The following ATAD5 variants were observed in gnomAD, a reference collection of about 807,000 sequenced individuals.
ATAD5 encodes ATPase family AAA domain containing 5.
A neutral mutation model predicts 176.9 loss-of-function variants in ATAD5; 58 were observed. That is an observed-to-expected ratio of 0.33 (90% confidence interval 0.27 to 0.41). ATAD5 has a LOEUF of 0.41. Ranked by LOEUF, ATAD5 falls within the 10% of genes least tolerant of loss-of-function variation. The pLI, the probability that ATAD5 is intolerant of heterozygous loss-of-function variation, is 1.00. For synonymous variants in ATAD5, 640 were observed against 712.6 expected (o/e 0.90, Z 1.62); for missense variants, 1,789 against 2,094.1 (o/e 0.85, Z 2.84).
intron 18 of ATAD5, among the ~76,000 whole-genome samples, chr17:30,885,940 A>T (rs1909301077): frequency 1.3e-5 from 2 of 152,008 alleles, no homozygotes; most frequent in African/African-American, 4.8e-5. Context: ...TAGAATTTTT[A>T]TCAAGAGTAG....
At position 30,876,355 on chromosome 17, in the gene ATAD5, G is replaced by A; in HGVS notation, c.3608-19G>A. Reference sequence around the variant, plus strand: ...ATTTTTAGAATATTTATCTTTAAGTGCAATTTGTTTTTGGGCAGAAAAAAT... The same window carrying A: ...ATTTTTAGAATATTTATCTTTAAGTACAATTTGTTTTTGGGCAGAAAAAAT... On this transcript the variant is annotated intron_variant, in intron 14 of 22. Transcript: ENST00000321990. The A allele has an allele frequency of 1.3e-6, 2 of 1,563,872 alleles. No homozygotes were observed. Among genetic ancestry groups the A allele is most frequent in the Non-Finnish European group, 1.7e-6 (2 of 1,159,020 alleles).
chr17:30,847,812 C>T (rs1266704675), intron 6 of ATAD5, among the ~76,000 whole-genome samples: 5 of 148,162 alleles, frequency 3.4e-5, no homozygotes, highest in East Asian at 2.0e-4. Flanking sequence ...CTCCGCCCCC[C>T]GGGTTTATGC....
rs763104038 is a variant in ATAD5 at position 30,860,576 on chromosome 17, A to G, written c.3100A>G (p.Asn1034Asp). ...GAAGTCAGAAGAACTTAGCAAAAGA[A>G]ACAACTCTTCTGGGATAAAGCTAGA... ...NRKSEELSKR[N>D]NSSGIKLDSS... Residue 1034 changes from asparagine (N) to aspartate (D), a missense_variant, in exon 10 of 23, where the codon AAC (asparagine) becomes GAC (aspartate). This residue lies in a region of ATAD5 where 487 missense variants were observed against 573.6 expected (regional missense o/e 0.85). Transcript: ENST00000321990. The G allele has an allele frequency of 3.8e-6, 6 of 1,582,430 alleles. No individual in the cohort carries two copies. The highest frequency in any genetic ancestry group is 5.1e-6 in the Non-Finnish European group (6 of 1,172,764).
chr17:30,877,453 G>C lies in ATAD5; in HGVS notation c.3822G>C (p.Gln1274His). The change falls in exon 16 of 23, where the codon CAG (glutamine) becomes CAC (histidine). Residue 1274 changes from glutamine (Q) to histidine (H), a missense_variant. By Grantham distance (24) the Gln-to-His change is conservative (BLOSUM62 0). Around this residue, in one of 6 missense-constraint regions of ATAD5, gnomAD observed 194 missense variants for 270.1 expected, o/e 0.72. Coordinates refer to ENST00000321990, the MANE Select transcript of ATAD5 (RefSeq NM_024857.5). Reference protein sequence around the residue: ...KNSFEQKQITQTKSTNATNSN... With the variant: ...KNSFEQKQITHTKSTNATNSN... Reference sequence around the variant, plus strand: ...CTTTTGAACAGAAACAAATTACTCAGACTAAATCTACAAATGCAACTAATT... The same window carrying C: ...CTTTTGAACAGAAACAAATTACTCACACTAAATCTACAAATGCAACTAATT... 1 of 1,567,704 alleles carries C rather than the reference G, an allele frequency of 6.4e-7. No individual in the cohort carries two copies. The highest frequency in any genetic ancestry group is 8.8e-7 in the Non-Finnish European group (1 of 1,141,662).
At chr17:30,881,610 T>TA (rs1484937476) in intron 18 of ATAD5, among the ~76,000 whole-genome samples, 1 of 152,126 alleles carries the variant, frequency 6.6e-6, no homozygotes, top group Non-Finnish European at 1.5e-5. Context: ...ACCCTGTTCT[T>TA]ACTTTTAAAT....
chr17:30,884,949 G>A (rs921371894), intron 18 of ATAD5, among the ~76,000 whole-genome samples: 1 of 151,666 alleles, frequency 6.6e-6, no homozygotes, highest in Non-Finnish European at 1.5e-5. Flanking sequence ...GGGTTTCACT[G>A]TGTTAGCCAG....
intron 14 of ATAD5, among the ~76,000 whole-genome samples, chr17:30,871,020 CCA>C (rs1209108212): frequency 6.6e-6 from 1 of 151,726 alleles, no homozygotes; most frequent in African/African-American, 2.4e-5. Flanking sequence ...TTTGGCAACT[CCA>C]GTTATTATTA....
At chr17:30,845,910 A>ACAT (rs1906466702) in intron 6 of ATAD5, among the ~76,000 whole-genome samples, 1 of 152,166 alleles carries the variant, frequency 6.6e-6, no homozygotes, top group Admixed American at 6.6e-5. Flanking sequence ...GTATAGGATG[A>ACAT]CATGTAAGTT....
intron 9 of ATAD5, 25 bp from the exon 10 acceptor site, chr17:30,860,408 T>C: frequency 1.3e-6 from 2 of 1,576,180 alleles, no homozygotes; most frequent in African/African-American, 1.4e-5. Flanking sequence ...AGTAAGCACA[T>C]GCACTTCTTT....
chr17:30,884,034 C>T lies in ATAD5; in HGVS notation c.4078-3158C>T, dbSNP rs951343558. On this transcript the variant is annotated intron_variant, in intron 18 of 22. Transcript: ENST00000321990. ...TTGCTCTTGCAAAACTGAAATTCTA[C>T]GCTTGTTAAATGAAACTCCCTGTTT... Among the ~76,000 whole-genome samples, 77 of 152,094 alleles carry T rather than the reference C, an allele frequency of 5.1e-4. 1 individual carries two copies. Among genetic ancestry groups the T allele is most frequent in the Admixed American group, 3.3e-4 (5 of 15,244 alleles).
At chr17:30,859,416 G>C (rs1907479653) in intron 9 of ATAD5, among the ~76,000 whole-genome samples, 1 of 152,004 alleles carries the variant, frequency 6.6e-6, no homozygotes, top group African/African-American at 2.4e-5. Context: ...CTGAAGTGCA[G>C]TGGCGCGATC....
chr17:30,893,897 G>A lies in ATAD5; in HGVS notation c.5044G>A (p.Gly1682Arg). 6.2e-7 allele frequency: 1 copy of A among 1,614,028 alleles called. No homozygotes were observed. Among genetic ancestry groups the A allele is most frequent in the Non-Finnish European group, 8.5e-7 (1 of 1,179,926 alleles). Residue 1682 changes from glycine to arginine, a missense_variant, in exon 21 of 23, where the codon GGA (glycine) becomes AGA (arginine). Around this residue, in one of 6 missense-constraint regions of ATAD5, gnomAD observed 403 missense variants for 495.1 expected, o/e 0.81. Coordinates refer to ENST00000321990, the MANE Select transcript of ATAD5 (RefSeq NM_024857.5). Reference protein sequence around the residue: ...YGRNDFSWTNGKVTSGLCDEF... With the variant: ...YGRNDFSWTNRKVTSGLCDEF... Reference sequence around the variant, plus strand: ...TAGAAATGACTTTAGTTGGACAAATGGAAAGGTTACAAGTGGACTTTGTGA... The same window carrying A: ...TAGAAATGACTTTAGTTGGACAAATAGAAAGGTTACAAGTGGACTTTGTGA...
chr17:30,858,256 T>C lies in ATAD5; in HGVS notation c.2889T>C (p.Tyr963=), dbSNP rs145510042. The change falls in exon 9 of 23, where the codon TAT becomes TAC. Residue 963 remains tyrosine (Y), a synonymous_variant. Coordinates refer to ENST00000321990, the MANE Select transcript of ATAD5 (RefSeq NM_024857.5). The part of the protein sequence containing the change: ...WSNPEFSLKK[Y]FPLLLKKQIE... ...ATCCTGAATTTTCATTGAAAAAATA[T>C]TTTCCCTTACTCCTAAAAAAACAAA... 4.4e-5 allele frequency: 71 copies of C among 1,598,728 alleles called. 1 individual carries two copies. In the African/African-American group the frequency reaches 7.7e-4, roughly 17 times the overall value.
At chr17:30,846,809 C>A (rs1906537823) in intron 6 of ATAD5, among the ~76,000 whole-genome samples, 2 of 151,830 alleles carry the variant, frequency 1.3e-5, no homozygotes, top group South Asian at 4.1e-4. Context: ...CAACCTCCAC[C>A]TCCCAGGTTC....
chr17:30,864,661 G>A (rs1282055214), intron 10 of ATAD5: 1 of 152,196 alleles, frequency 6.6e-6, no homozygotes, highest in South Asian at 2.1e-4. Context: ...ACCACATGTG[G>A]CCTCCAGTGT....
chr17:30,886,153 A>G (rs1285418266), intron 18 of ATAD5, among the ~76,000 whole-genome samples: 1 of 149,770 alleles, frequency 6.7e-6, no homozygotes, highest in African/African-American at 2.4e-5. Context: ...CTTGAGGAAT[A>G]CTACTTTGTA....
In ATAD5 at chr17:30,892,151, G is replaced by A. The variant is rs562029227; in HGVS notation, c.4259-456G>A. Among the ~76,000 whole-genome samples, 72 of 151,972 alleles carry A rather than the reference G, an allele frequency of 4.7e-4. 1 individual carries two copies. The highest frequency in any genetic ancestry group is 4.2e-3 in the South Asian group (20 of 4,792). On this transcript the variant is annotated intron_variant, in intron 19 of 22. Transcript: ENST00000321990. ...GTAGAAATAATGCTTATGGCCAGGC[G>A]CAGTGGCTCACGCATGTAATCCCAG... is the stretch of plus-strand genomic sequence containing the variant.
chr17:30,851,267 C>T (rs1301143006), intron 6 of ATAD5, among the ~76,000 whole-genome samples: 1 of 150,006 alleles, frequency 6.7e-6, no homozygotes, highest in Non-Finnish European at 1.5e-5. Flanking sequence ...GAGGCCAAGG[C>T]GTGTGGATCA....
chr17:30,849,100 A>G (rs1424133216), intron 6 of ATAD5, among the ~76,000 whole-genome samples: 1 of 151,824 alleles, frequency 6.6e-6, no homozygotes, highest in Non-Finnish European at 1.5e-5. Flanking sequence ...CGAATTCCTG[A>G]CCTCCAGTGA....
Sources: allele counts gnomAD v4.1 joint callset (sites outside exome capture counted in the v4.1 genomes callset), GRCh38; gene constraint gnomAD v4.1.1; regional missense constraint gnomAD v4.1.1; transcripts MANE v1.5; gene names NCBI Gene and HGNC (gene_info 2026-07-23, HGNC 2026-07-21).